RBFOX1: variants seen among roughly 807,000 people sequenced by gnomAD.
The protein encoded by RBFOX1 is RNA binding fox-1 homolog 1, also known as RNA binding protein fox-1 homolog 1.
In RBFOX1, 8 loss-of-function variants were observed where a neutral mutation model predicts 57.7. The ratio of observed to expected loss-of-function variants is 0.14; its 90% CI spans 0.08 to 0.25. The LOEUF (loss-of-function observed/expected upper bound fraction) is 0.25. RBFOX1 is among the 10% of genes least tolerant of loss of function. RBFOX1 has a pLI of 1.00. For synonymous variants in RBFOX1, 326 were observed against 222.4 expected, an observed-to-expected ratio of 1.47 and a Z score of -4.15; for missense variants, 611 against 548.5, an observed-to-expected ratio of 1.11 and a Z score of -1.14.
chr16:6,114,265 C>T (rs2096475904), intron 1 of RBFOX1, among the ~76,000 whole-genome samples: 1 of 152,148 alleles, frequency 6.6e-6, no homozygotes, highest in Non-Finnish European at 1.5e-5. Context: ...CATCTGATTT[C>T]AGTGAGGAAA....
chr16:5,838,605 G>A (rs577974316), intron 3 of RBFOX1: 53 of 159,404 alleles, frequency 3.3e-4, no homozygotes, highest in Non-Finnish European at 9.8e-5. Context: ...TTCTTCCAAT[G>A]ATACTTTGGG....
intron 4 of RBFOX1, among the ~76,000 whole-genome samples, chr16:7,255,804 C>G (rs1440730265): frequency 6.6e-6 from 1 of 151,880 alleles, no homozygotes; most frequent in Non-Finnish European, 1.5e-5. Flanking sequence ...TTTTTTTGTG[C>G]TAAATCTTCA....
intron 3 of RBFOX1, among the ~76,000 whole-genome samples, chr16:5,680,754 T>C (rs1466714087): frequency 6.6e-6 from 1 of 152,198 alleles, no homozygotes; most frequent in Non-Finnish European, 1.5e-5. Flanking sequence ...TGAAGCTGCC[T>C]ATGATAAGAT....
chr16:6,036,375 C>T (rs1260500212), intron 1 of RBFOX1, among the ~76,000 whole-genome samples: 2 of 151,916 alleles, frequency 1.3e-5, no homozygotes, highest in African/African-American at 2.4e-5. Flanking sequence ...TAGAACCATC[C>T]ATTCTAGCAT....
At chr16:5,881,123 C>T (rs1411139917) in intron 4 of RBFOX1, among the ~76,000 whole-genome samples, 5 of 152,166 alleles carry the variant, frequency 3.3e-5, no homozygotes, top group Non-Finnish European at 1.5e-5. Context: ...TCGAAGTTCA[C>T]GGACTCACTG....
At chr16:7,018,807 T>C (rs554090551) in intron 3 of RBFOX1, among the ~76,000 whole-genome samples, 69 of 146,038 alleles carry the variant, frequency 4.7e-4, no homozygotes, top group Non-Finnish European at 6.3e-4. Context: ...AAAGAAGAAA[T>C]ACAACGTCTA....
intron 4 of RBFOX1, among the ~76,000 whole-genome samples, chr16:7,427,444 G>A (rs1294375719): frequency 6.6e-6 from 1 of 151,890 alleles, no homozygotes; most frequent in African/African-American, 2.4e-5. Context: ...AATGCGAAAC[G>A]TACCAAATGT....
intron 4 of RBFOX1, among the ~76,000 whole-genome samples, chr16:5,936,408 G>A (rs1290643679): frequency 6.6e-6 from 1 of 152,164 alleles, no homozygotes; most frequent in Non-Finnish European, 1.5e-5. Context: ...ACAAGTATGA[G>A]CCACTGCACC....
chr16:6,919,812 G>T (rs2074066686), intron 3 of RBFOX1, among the ~76,000 whole-genome samples: 1 of 137,734 alleles, frequency 7.3e-6, no homozygotes, highest in Non-Finnish European at 1.5e-5. Context: ...AATAGTTCTG[G>T]GAGAACAAGT....
At chr16:7,420,382 G>A (rs1007406445) in intron 4 of RBFOX1, among the ~76,000 whole-genome samples, 1 of 152,130 alleles carries the variant, frequency 6.6e-6, no homozygotes, top group African/African-American at 2.4e-5. Flanking sequence ...AGAGATTGAG[G>A]TATAAGAAGG....
At chr16:7,504,233 T>G (rs2071995087) in intron 4 of RBFOX1, among the ~76,000 whole-genome samples, 1 of 152,052 alleles carries the variant, frequency 6.6e-6, no homozygotes, top group East Asian at 1.9e-4. Flanking sequence ...ATCATCGGGC[T>G]GTGGGTTGCA....
At chr16:7,446,001 A>T (rs1046987415) in intron 4 of RBFOX1, among the ~76,000 whole-genome samples, 4 of 152,058 alleles carry the variant, frequency 2.6e-5, no homozygotes, top group African/African-American at 9.7e-5. Flanking sequence ...TTCTCTTTCT[A>T]ATCTCAGCCT....
At chr16:6,182,636 A>G (rs1318843942) in intron 1 of RBFOX1, among the ~76,000 whole-genome samples, 1 of 152,160 alleles carries the variant, frequency 6.6e-6, no homozygotes, top group Non-Finnish European at 1.5e-5. Context: ...TTTAACCTAT[A>G]TAACACATTG....
At chr16:7,273,178 C>T (rs1280427634) in intron 4 of RBFOX1, among the ~76,000 whole-genome samples, 1 of 139,584 alleles carries the variant, frequency 7.2e-6, no homozygotes, top group Non-Finnish European at 1.5e-5. Context: ...CTCTCCCTCC[C>T]TTCCTTCCTC....
chr16:6,318,699 A>C (rs115135959), intron 2 of RBFOX1, among the ~76,000 whole-genome samples: 261 of 152,266 alleles, frequency 1.7e-3, no homozygotes, highest in African/African-American at 6.0e-3. Flanking sequence ...AAGGGAGCTC[A>C]TGTTAATTTG....
At chr16:7,225,913 T>TA (rs1425281373) in intron 4 of RBFOX1, among the ~76,000 whole-genome samples, 1 of 96,558 alleles carries the variant, frequency 1.0e-5, no homozygotes, top group Non-Finnish European at 2.0e-5. Flanking sequence ...TAAATATATA[T>TA]ATATATAAAT....
chr16:6,343,005 A>T (rs2084802812), intron 2 of RBFOX1, among the ~76,000 whole-genome samples: 1 of 152,080 alleles, frequency 6.6e-6, no homozygotes, highest in Non-Finnish European at 1.5e-5. Flanking sequence ...ATGGTTTTTG[A>T]TACGAAACTC....
intron 4 of RBFOX1, among the ~76,000 whole-genome samples, chr16:7,514,700 A>C (rs1488467710): frequency 6.6e-6 from 1 of 152,064 alleles, no homozygotes; most frequent in African/African-American, 2.4e-5. Flanking sequence ...AAATGTGAAG[A>C]CTTGATGGGG....
intron 4 of RBFOX1, 21 bp from the exon 5 acceptor site, chr16:7,518,126 T>G (rs752211086): frequency 6.2e-7 from 1 of 1,602,144 alleles, no homozygotes; most frequent in Non-Finnish European, 8.5e-7. Context: ...TCTCCCTCTC[T>G]GCACCTTTTT....
Sources: allele counts gnomAD v4.1 joint callset (sites outside exome capture counted in the v4.1 genomes callset), GRCh38; gene constraint gnomAD v4.1.1; transcripts MANE v1.5; gene names NCBI Gene and HGNC (gene_info 2026-07-23, HGNC 2026-07-21).